Variants in IL1RAPL1 observed in about 807,000 individuals in gnomAD.
The protein encoded by IL1RAPL1 is interleukin-1 receptor accessory protein-like 1.
Under a neutral mutation model 48.4 loss-of-function variants are expected in IL1RAPL1, and 3 were observed. The observed-to-expected ratio is 0.06, with a 90% CI of 0.03 to 0.16. IL1RAPL1 has a LOEUF of 0.16. Among genes scored for constraint, IL1RAPL1 ranks in the 10% least tolerant of loss-of-function variants. IL1RAPL1 has a pLI of 1.00. For synonymous variants in IL1RAPL1, 185 were observed against 187.7 expected, an observed-to-expected ratio of 0.99 and a Z score of 0.12; for missense variants, 349 against 530.6, an observed-to-expected ratio of 0.66 and a Z score of 3.36.
chrX:29,175,840 T>C (rs1930004238), intron 2 of IL1RAPL1, among the ~76,000 whole-genome samples: 1 of 53,711 alleles, frequency 1.9e-5, no homozygotes, highest in African/African-American at 7.0e-5. Flanking sequence ...AGTGAGACTC[T>C]GTCTCAAAAA....
At chrX:28,831,026 C>CTGTG (rs57923954) in intron 2 of IL1RAPL1, among the ~76,000 whole-genome samples, 356 of 33,631 alleles carry the variant, frequency 0.011, 22 homozygotes, top group Non-Finnish European at 0.013. Flanking sequence ...CTCTCTCTCT[C>CTGTG]TGTGTGTGTG....
intron 5 of IL1RAPL1, among the ~76,000 whole-genome samples, chrX:29,596,486 G>T (rs1385353789): frequency 4.5e-5 from 5 of 111,661 alleles, no homozygotes; most frequent in African/African-American, 1.6e-4. Context: ...ATTATTTTTT[G>T]CAGCTTTTGT....
Position 29,788,947 on chromosome X carries a change from A to T in IL1RAPL1, c.778+120443A>T, listed in dbSNP as rs191649538. Among the ~76,000 whole-genome samples the T allele has an allele frequency of 9.7e-3, 1,080 of 111,765 alleles. 6 individuals are homozygous for T. The highest frequency in any genetic ancestry group is 0.015 in the Non-Finnish European group (806 of 53,071). On this transcript the variant is annotated intron_variant, in intron 6 of 10. Coordinates refer to ENST00000378993, the MANE Select transcript of IL1RAPL1 (RefSeq NM_014271.4). ...TGATAAACTTGTCATAATTAACTGT[A>T]TTTATGACAAAGAAAGCAAAACAGA... is the stretch of plus-strand genomic sequence containing the variant.
chrX:29,199,721 G>A (rs919426405), intron 2 of IL1RAPL1, among the ~76,000 whole-genome samples: 6 of 112,038 alleles, frequency 5.4e-5, no homozygotes, highest in African/African-American at 1.6e-4. Flanking sequence ...CCTGCTGTGC[G>A]GCCTGGTTAC....
intron 5 of IL1RAPL1, among the ~76,000 whole-genome samples, chrX:29,577,289 A>G (rs1237122494): frequency 8.9e-6 from 1 of 111,982 alleles, no homozygotes; most frequent in Non-Finnish European, 1.9e-5. Context: ...ATGTTATGAA[A>G]AAAAAGTACT....
intron 3 of IL1RAPL1, among the ~76,000 whole-genome samples, chrX:29,290,458 T>A (rs1007828141): frequency 1.8e-5 from 2 of 112,514 alleles, no homozygotes; most frequent in African/African-American, 6.5e-5. Context: ...TGAAATTCAA[T>A]ATTTTCATTG....
intron 5 of IL1RAPL1, among the ~76,000 whole-genome samples, chrX:29,426,351 AAG>A (rs1934349782): frequency 9.0e-6 from 1 of 111,699 alleles, no homozygotes; most frequent in Admixed American, 9.6e-5. Flanking sequence ...CTATTAGTAG[AAG>A]ATATGGTTTC....
intron 1 of IL1RAPL1, among the ~76,000 whole-genome samples, chrX:28,645,857 C>T (rs1934602718): frequency 8.9e-6 from 1 of 111,925 alleles, no homozygotes; most frequent in Admixed American, 9.5e-5. Flanking sequence ...TTCTACCCCA[C>T]CAATGTTTGT....
intron 6 of IL1RAPL1, among the ~76,000 whole-genome samples, chrX:29,899,700 C>T (rs1252378801): frequency 1.8e-5 from 2 of 109,102 alleles, no homozygotes; most frequent in East Asian, 2.9e-4. Context: ...CCTGCCACCA[C>T]GCCTGGCTAA....
At chrX:29,319,540 ATG>A (rs1282319776) in intron 3 of IL1RAPL1, among the ~76,000 whole-genome samples, 1,439 of 82,329 alleles carry the variant, frequency 0.017, 23 homozygotes, top group African/African-American at 0.053. Context: ...GTATGTATGT[ATG>A]TATGTATGTA....
chrX:29,324,192 T>C (rs778488281), intron 3 of IL1RAPL1, among the ~76,000 whole-genome samples: 41 of 111,367 alleles, frequency 3.7e-4, no homozygotes, highest in African/African-American at 1.3e-3. Flanking sequence ...ACTTATCTCA[T>C]GTAGGAATGG....
intron 1 of IL1RAPL1, among the ~76,000 whole-genome samples, chrX:28,668,103 C>G (rs1009742263): frequency 9.0e-6 from 1 of 111,447 alleles, no homozygotes; most frequent in Non-Finnish European, 1.9e-5. Context: ...TGTTTTAAAG[C>G]CATGTGTGCA....
chrX:29,392,298 A>C (rs1000344139), intron 3 of IL1RAPL1, among the ~76,000 whole-genome samples: 3 of 112,040 alleles, frequency 2.7e-5, no homozygotes, highest in African/African-American at 9.7e-5. Context: ...TCTTTACCCC[A>C]TTTACCCCAT....
chrX:28,813,308 T>C (rs1296111970), intron 2 of IL1RAPL1, among the ~76,000 whole-genome samples: 1 of 111,635 alleles, frequency 9.0e-6, no homozygotes, highest in African/African-American at 3.2e-5. Context: ...TATTTAGAAA[T>C]GTGTTATTTA....
chrX:29,644,949 G>A (rs1925276627), intron 5 of IL1RAPL1, among the ~76,000 whole-genome samples: 1 of 112,877 alleles, frequency 8.9e-6, no homozygotes, highest in African/African-American at 3.2e-5. Context: ...ATTTGGTCTT[G>A]CCCTATGGCA....
In IL1RAPL1 at chrX:28,945,887, G is replaced by GTATA. The variant is rs748338390; in HGVS notation, c.82+156476_82+156479dup. On this transcript the variant is annotated intron_variant, in intron 2 of 10. Coordinates refer to ENST00000378993, the MANE Select transcript of IL1RAPL1 (RefSeq NM_014271.4). ...TTATGGTTTACTGTTATATATGTAT[G>GTATA]TATATATATATATATATGTGTGTGT... Among the ~76,000 whole-genome samples the GTATA allele has an allele frequency of 5.3e-4, 31 of 58,430 alleles. No individual in the cohort carries two copies. In the South Asian group the frequency reaches 0.017, roughly 32 times the overall value. The allele number at this position is 58,430 out of a possible 115,157, so 50.7% of individuals were successfully genotyped here.
At position 29,247,917 on chromosome X, in the gene IL1RAPL1, C is replaced by T. The variant is rs1444540107; in HGVS notation, c.83-35021C>T. Among the ~76,000 whole-genome samples the T allele has an allele frequency of 3.6e-5, 4 of 111,570 alleles. No homozygotes were observed. The Admixed American group carries it at 3.8e-4, about 11-fold the overall frequency. ...GAGATTAAAAACAGGAGAAGGAAAG[C>T]CCTGTGTGTTTTGGCATTTTAGACA... On this transcript the variant is annotated intron_variant, in intron 2 of 10. Transcript: ENST00000378993.
intron 5 of IL1RAPL1, among the ~76,000 whole-genome samples, chrX:29,500,684 A>G (rs1935262990): frequency 8.9e-6 from 1 of 112,435 alleles, no homozygotes; most frequent in Non-Finnish European, 1.9e-5. Flanking sequence ...ATGTATATGT[A>G]TATATGTCAC....
intron 1 of IL1RAPL1, among the ~76,000 whole-genome samples, chrX:28,625,734 A>ATGTGTGTGTGTGTGTGTG (rs1228352341): frequency 1.1e-5 from 1 of 93,618 alleles, no homozygotes; most frequent in African/African-American, 4.6e-5. Flanking sequence ...GCTAATCAAA[A>ATGTGTGTGTGTGTGTGTG]TGCGTGTGTG....
Sources: allele counts gnomAD v4.1 joint callset (sites outside exome capture counted in the v4.1 genomes callset), GRCh38; gene constraint gnomAD v4.1.1; transcripts MANE v1.5; gene names NCBI Gene and HGNC (gene_info 2026-07-23, HGNC 2026-07-21).